HDAC9: variants seen among roughly 807,000 people sequenced by gnomAD.
HDAC9 encodes MEF-2 interacting transcription repressor (MITR) protein.
HDAC9 carries 41 observed loss-of-function variants against 139.4 expected under a neutral mutation model. That is an observed-to-expected ratio of 0.29 (90% CI 0.23 to 0.38). The LOEUF is 0.38. Ranked by LOEUF, HDAC9 falls within the 10% of genes least tolerant of loss-of-function variation. HDAC9 has a pLI of 1.00. For missense variants in HDAC9, 1,147 were observed against 1,297.0 expected (o/e 0.88, Z 1.78); for synonymous variants, 517 against 476.2 (o/e 1.09, Z -1.12).
intron 1 of HDAC9, among the ~76,000 whole-genome samples, chr7:18,146,632 T>C (rs1021364659): frequency 6.6e-6 from 1 of 152,218 alleles, no homozygotes; most frequent in Admixed American, 6.5e-5. Flanking sequence ...AACAATGCTT[T>C]TAACTTTTAT....
intron 1 of HDAC9, among the ~76,000 whole-genome samples, chr7:18,411,465 A>G (rs774058312): frequency 1.3e-4 from 20 of 151,336 alleles, no homozygotes; most frequent in Non-Finnish European, 1.9e-4. Flanking sequence ...GCCTCCGCCT[A>G]CTGGGTTCAA....
At position 18,566,349 on chromosome 7, in the gene HDAC9, T is replaced by C. The variant is rs926522846; in HGVS notation, c.23-18932T>C. ...GCTTTCAATTCTCTATCATTTCTTA[T>C]CTGGTAGGGATCCCGCTTGCTTCCT... On this transcript the variant is annotated intron_variant, in intron 2 of 25. Transcript: ENST00000686413. 5.3e-5 allele frequency among the ~76,000 whole-genome samples: 8 copies of C among 152,360 alleles called. No individual in the cohort carries two copies. In the South Asian group the frequency reaches 1.4e-3, roughly 28 times the overall value.
Position 18,585,390 on chromosome 7 carries a change from G to A in HDAC9, c.132G>A (p.Lys44=), listed in dbSNP as rs764417642. 15 of 1,613,978 alleles carry A rather than the reference G, an allele frequency of 9.3e-6. No individual in the cohort carries two copies. The highest frequency in any genetic ancestry group is 1.2e-5 in the Non-Finnish European group (14 of 1,179,902). Residue 44 remains lysine (K), a synonymous_variant, in exon 3 of 26, where the codon AAG becomes AAA. Coordinates refer to ENST00000686413, the MANE Select transcript of HDAC9 (RefSeq NM_178425.4). ...TGGTGGACCCTGTTGTCCGTGAGAA[G>A]CAATTGCAGCAGGAATTACTTCTTA... ...MPVVDPVVRE[K]QLQQELLLIQ...
intron 25 of HDAC9, among the ~76,000 whole-genome samples, chr7:18,990,723 G>T (rs896766318): frequency 2.0e-5 from 3 of 152,262 alleles, no homozygotes; most frequent in African/African-American, 4.8e-5. Flanking sequence ...AGGACCCTCC[G>T]AGCCATGTGC....
At chr7:18,964,332 A>G (rs1383358793) in intron 24 of HDAC9, among the ~76,000 whole-genome samples, 1 of 152,140 alleles carries the variant, frequency 6.6e-6, no homozygotes, top group African/African-American at 2.4e-5. Flanking sequence ...TTGATCAGAT[A>G]TACACCTTCT....
intron 11 of HDAC9, among the ~76,000 whole-genome samples, chr7:18,662,555 C>G (rs1373601111): frequency 6.6e-6 from 1 of 151,842 alleles, no homozygotes; most frequent in Non-Finnish European, 1.5e-5. Context: ...AGAGTGTAAG[C>G]CAAGGGGTTG....
intron 1 of HDAC9, among the ~76,000 whole-genome samples, chr7:18,156,387 C>G (rs906370406): frequency 6.6e-6 from 1 of 152,208 alleles, no homozygotes; most frequent in Admixed American, 6.5e-5. Flanking sequence ...TGGGTTTGCC[C>G]TTTCTAGATG....
rs117338526 is a variant in HDAC9, at chr7:18,775,075, G to A, written c.2214+7920G>A. Among the ~76,000 whole-genome samples, 3 of 152,096 alleles carry A rather than the reference G, an allele frequency of 2.0e-5. No homozygotes were observed. The East Asian group carries it at 5.8e-4, about 29-fold the overall frequency. ...GGCCTGAGAAAGAGAAGAGATGGAG[G>A]AAAGACTGATCGGTGGAGCAGAAGT... On this transcript the variant is annotated intron_variant, in intron 16 of 25. Transcript: ENST00000686413.
chr7:18,763,947 C>T (rs988248898), intron 15 of HDAC9, among the ~76,000 whole-genome samples: 2 of 152,110 alleles, frequency 1.3e-5, no homozygotes, highest in African/African-American at 4.8e-5. Flanking sequence ...CCAAAACAAC[C>T]ATTGTTCCAC....
At chr7:18,242,296 ATTTTC>A (rs1331107568) in intron 2 of HDAC9, among the ~76,000 whole-genome samples, 4 of 152,130 alleles carry the variant, frequency 2.6e-5, no homozygotes, top group African/African-American at 9.7e-5. Context: ...CAACTATTAT[ATTTTC>A]TTTTCATTAA....
At chr7:18,723,664 T>A (rs1226678106) in intron 12 of HDAC9, among the ~76,000 whole-genome samples, 1 of 152,114 alleles carries the variant, frequency 6.6e-6, no homozygotes, top group Non-Finnish European at 1.5e-5. Flanking sequence ...CAAACTGTTT[T>A]ATCTTACAGG....
chr7:18,553,093 G>A (rs182089358), intron 2 of HDAC9, among the ~76,000 whole-genome samples: 5 of 152,222 alleles, frequency 3.3e-5, no homozygotes, highest in South Asian at 2.1e-4. Flanking sequence ...AGTACTGTGC[G>A]TGTGCACCTT....
intron 25 of HDAC9, among the ~76,000 whole-genome samples, chr7:18,978,600 C>CA (rs1784700526): frequency 6.6e-6 from 1 of 151,940 alleles, no homozygotes; most frequent in East Asian, 1.9e-4. Context: ...CAAAACAACA[C>CA]AAAAAATCTT....
chr7:18,602,976 A>T (rs1280023896), intron 6 of HDAC9, among the ~76,000 whole-genome samples: 1 of 152,056 alleles, frequency 6.6e-6, no homozygotes, highest in Non-Finnish European at 1.5e-5. Context: ...TTTTGATGTG[A>T]CATTATTAGG....
chr7:18,482,773 G>C (rs1795675367), intron 1 of HDAC9, among the ~76,000 whole-genome samples: 1 of 152,116 alleles, frequency 6.6e-6, no homozygotes, highest in Non-Finnish European at 1.5e-5. Flanking sequence ...GGTGTGCCTG[G>C]CTCTACAGCT....
chr7:18,343,025 C>T (rs562839590), intron 1 of HDAC9, among the ~76,000 whole-genome samples: 10 of 151,682 alleles, frequency 6.6e-5, no homozygotes, highest in African/African-American at 1.9e-4. Context: ...ATTCCCTATC[C>T]GGAGAAAAGA....
intron 1 of HDAC9, among the ~76,000 whole-genome samples, chr7:18,411,281 A>G (rs1788521266): frequency 6.6e-6 from 1 of 152,210 alleles, no homozygotes; most frequent in Non-Finnish European, 1.5e-5. Context: ...GTGGTACAAA[A>G]GTAATACACC....
At chr7:18,800,150 C>T (rs536080157) in intron 17 of HDAC9, among the ~76,000 whole-genome samples, 2 of 152,198 alleles carry the variant, frequency 1.3e-5, no homozygotes, top group African/African-American at 4.8e-5. Context: ...ACCAAGTATT[C>T]TATGTCCAAC....
At chr7:18,960,396 A>G (rs148575696) in intron 24 of HDAC9, among the ~76,000 whole-genome samples, 2 of 152,010 alleles carry the variant, frequency 1.3e-5, no homozygotes, top group Admixed American at 6.6e-5. Context: ...TGTTATTGTT[A>G]TTCTTTACTC....
Sources: allele counts gnomAD v4.1 joint callset (sites outside exome capture counted in the v4.1 genomes callset), GRCh38; gene constraint gnomAD v4.1.1; transcripts MANE v1.5; gene names NCBI Gene and HGNC (gene_info 2026-07-23, HGNC 2026-07-21).